Variants in HIVEP3 observed in about 807,000 individuals in gnomAD.
HIVEP3 encodes transcription factor HIVEP3.
In HIVEP3, 49 loss-of-function variants were observed where a neutral mutation model predicts 152.8. The observed-to-expected ratio is 0.32, with a 90% CI of 0.26 to 0.41. The LOEUF is 0.41. HIVEP3 is among the 10% of genes least tolerant of loss of function. HIVEP3 has a pLI of 1.00. For synonymous variants in HIVEP3, 1,269 were observed against 1,289.0 expected, an observed-to-expected ratio of 0.98 and a Z score of 0.33; for missense variants, 2,790 against 3,103.3, an observed-to-expected ratio of 0.90 and a Z score of 2.40.
intron 5 of HIVEP3, among the ~76,000 whole-genome samples, chr1:41,527,106 C>T (rs1437268544): frequency 1.0e-4 from 13 of 127,862 alleles, no homozygotes; most frequent in African/African-American, 3.8e-4. Context: ...CCACACTCAC[C>T]CTCACACACC....
chr1:41,512,722 T>C, intron 8 of HIVEP3, 94 bp downstream of exon 8: 1 of 1,006,836 alleles, frequency 9.9e-7, no homozygotes, highest in South Asian at 1.9e-5. Flanking sequence ...GGCAGAGCTG[T>C]TTAGTTCCAG....
intron 1 of HIVEP3, among the ~76,000 whole-genome samples, chr1:41,791,799 C>T (rs1367356113): frequency 6.6e-6 from 1 of 152,098 alleles, no homozygotes; most frequent in Non-Finnish European, 1.5e-5. Flanking sequence ...CTCCTACACA[C>T]CTCTCTAGCC....
chr1:41,824,609 ATGTT>A, intron 1 of HIVEP3, among the ~76,000 whole-genome samples: 1 of 151,826 alleles, frequency 6.6e-6, no homozygotes. Context: ...TGGAAAAGGT[ATGTT>A]TGTGTCTGAT....
intron 1 of HIVEP3, among the ~76,000 whole-genome samples, chr1:41,949,939 C>T (rs961231786): frequency 1.3e-5 from 2 of 152,098 alleles, no homozygotes; most frequent in Non-Finnish European, 1.5e-5. Flanking sequence ...GCAGTTAGAG[C>T]GGTCATCGGC....
At chr1:41,671,413 C>T (rs909254389) in intron 2 of HIVEP3, among the ~76,000 whole-genome samples, 4 of 152,176 alleles carry the variant, frequency 2.6e-5, no homozygotes, top group Admixed American at 6.5e-5. Flanking sequence ...CTGGAATTGC[C>T]GGAGAAACGA....
intron 1 of HIVEP3, among the ~76,000 whole-genome samples, chr1:41,843,291 T>C (rs575312615): frequency 2.2e-4 from 34 of 152,208 alleles, no homozygotes; most frequent in Non-Finnish European, 3.8e-4. Flanking sequence ...CAACAGTTGA[T>C]GGAGACAAAG....
Position 41,947,618 on chromosome 1 carries a change from G to A in HIVEP3, n.120-29094C>T, listed in dbSNP as rs1265887059. The stretch of plus-strand genomic sequence containing the variant: ...CAGAAGTGGCTTTCTAGGTCCTAAA[G>A]AAGGCCCTAACCCAAGCCCCAGTGT... On this transcript the variant is annotated intron_variant and non_coding_transcript_variant, in intron 1 of 3. Transcript: ENST00000489103. Among the ~76,000 whole-genome samples the A allele has an allele frequency of 3.3e-5, 5 of 152,232 alleles. No homozygotes were observed. The South Asian group carries it at 6.2e-4, about 19-fold the overall frequency.
chr1:41,827,280 T>G (rs1642832476), intron 1 of HIVEP3, among the ~76,000 whole-genome samples: 1 of 152,250 alleles, frequency 6.6e-6, no homozygotes, highest in African/African-American at 2.4e-5. Context: ...GATATCCTTC[T>G]GGCATCACCT....
At chr1:41,604,753 T>C (rs894349071) in intron 3 of HIVEP3, among the ~76,000 whole-genome samples, 1 of 152,190 alleles carries the variant, frequency 6.6e-6, no homozygotes, top group African/African-American at 2.4e-5. Context: ...AGACATACTA[T>C]ATGATTCCAC....
chr1:41,570,554 T>A (rs1488372341), intron 5 of HIVEP3, among the ~76,000 whole-genome samples: 1 of 152,108 alleles, frequency 6.6e-6, no homozygotes, highest in East Asian at 1.9e-4. Context: ...TCCCCAGCCA[T>A]GTGAATGAGT....
intron 1 of HIVEP3, among the ~76,000 whole-genome samples, chr1:42,020,900 T>TA (rs1645549758): frequency 6.6e-6 from 1 of 152,080 alleles, no homozygotes; most frequent in African/African-American, 2.4e-5. Context: ...GCAAGAAGTG[T>TA]AAAGGCCCTA....
chr1:41,586,664 C>T (rs774387215), intron 3 of HIVEP3, among the ~76,000 whole-genome samples: 2 of 152,206 alleles, frequency 1.3e-5, no homozygotes, highest in Admixed American at 6.5e-5. Context: ...TGCAGGTGCT[C>T]AGAAGACGAA....
At chr1:41,805,984 C>T (rs373044779) in intron 1 of HIVEP3, among the ~76,000 whole-genome samples, 9 of 152,280 alleles carry the variant, frequency 5.9e-5, no homozygotes, top group African/African-American at 1.4e-4. Flanking sequence ...GTGTCTGGTA[C>T]GTGGTTGAGA....
At chr1:41,562,965 C>T (rs1476968120) in intron 5 of HIVEP3, among the ~76,000 whole-genome samples, 1 of 151,998 alleles carries the variant, frequency 6.6e-6, no homozygotes, top group African/African-American at 2.4e-5. Flanking sequence ...CCAGAGAAAG[C>T]CTGGAGGTTT....
intron 1 of HIVEP3, among the ~76,000 whole-genome samples, chr1:41,962,634 T>C (rs1056585283): frequency 3.3e-5 from 5 of 152,222 alleles, no homozygotes; most frequent in African/African-American, 1.2e-4. Context: ...TGAATGGCTT[T>C]GGGGATACTG....
intron 2 of HIVEP3, among the ~76,000 whole-genome samples, chr1:41,681,802 T>C (rs1646043245): frequency 6.6e-6 from 1 of 152,230 alleles, no homozygotes; most frequent in Non-Finnish European, 1.5e-5. Flanking sequence ...CACAACCTTG[T>C]GACTATGTCC....
chr1:41,713,685 C>T (rs1248201225), intron 1 of HIVEP3, among the ~76,000 whole-genome samples: 1 of 152,216 alleles, frequency 6.6e-6, no homozygotes, highest in East Asian at 1.9e-4. Context: ...CCTGGATGTT[C>T]GGCCTCTACT....
chr1:41,999,062 A>G (rs1645412167), intron 1 of HIVEP3, among the ~76,000 whole-genome samples: 1 of 151,416 alleles, frequency 6.6e-6, no homozygotes, highest in Non-Finnish European at 1.5e-5. Context: ...CACTGAACTA[A>G]TTTTTGTATT....
chr1:41,715,959 G>A (rs1350138366), intron 1 of HIVEP3, among the ~76,000 whole-genome samples: 4 of 152,230 alleles, frequency 2.6e-5, no homozygotes, highest in Non-Finnish European at 5.9e-5. Flanking sequence ...GGAAGTGGAC[G>A]GTGGGGCCCC....
Sources: gnomAD v4.1 joint callset for allele counts (sites outside exome capture counted in the v4.1 genomes callset) on GRCh38, gnomAD v4.1.1 for gene constraint, MANE v1.5 for transcripts, NCBI Gene and HGNC (gene_info 2026-07-23, HGNC 2026-07-21) for gene names.